VDAC1: variants seen among roughly 807,000 people sequenced by gnomAD.
VDAC1 encodes non-selective voltage-gated ion channel VDAC1.
A neutral mutation model predicts 34.7 loss-of-function variants in VDAC1; 10 were observed. That is an observed-to-expected ratio of 0.29 (90% CI 0.18 to 0.49). The LOEUF (loss-of-function observed/expected upper bound fraction) is 0.49. Among genes scored for constraint, VDAC1 ranks in the 20% least tolerant of loss-of-function variants. The probability of loss-of-function intolerance (pLI) is 0.99; values close to 1 mark genes in which losing one functional copy is unlikely to be tolerated. For missense variants in VDAC1, 230 were observed against 347.9 expected, an observed-to-expected ratio of 0.66 and a Z score of 2.69; for synonymous variants, 130 against 136.0, an observed-to-expected ratio of 0.96 and a Z score of 0.30.
the VDAC1 span, among the ~76,000 whole-genome samples, chr5:134,024,142 CCA>C: frequency 6.6e-6 from 1 of 151,016 alleles, no homozygotes; most frequent in East Asian, 1.9e-4. Context: ...GACTCCATCT[CCA>C]GAGGAAAAAA....
the VDAC1 span, among the ~76,000 whole-genome samples, chr5:134,109,498 G>A: frequency 6.6e-6 from 1 of 152,054 alleles, no homozygotes; most frequent in Non-Finnish European, 1.5e-5. Context: ...GGCCAGGTGC[G>A]GTGGCTCACG....
At chr5:134,025,314 T>G in the VDAC1 span, among the ~76,000 whole-genome samples, 5 of 152,198 alleles carry the variant, frequency 3.3e-5, no homozygotes, top group Admixed American at 3.3e-4. Context: ...GATCTCATGA[T>G]AACTCTTTAC....
chr5:134,005,740 C>A (rs1243537438), upstream of VDAC1, among the ~76,000 whole-genome samples: 1 of 152,188 alleles, frequency 6.6e-6, no homozygotes, highest in Non-Finnish European at 1.5e-5. Context: ...CGAGTGGTCT[C>A]GTTCACCACT....
chr5:134,098,169 C>CTTA, the VDAC1 span, among the ~76,000 whole-genome samples: 1,890 of 146,876 alleles, frequency 0.013, 38 homozygotes, highest in African/African-American at 0.04. Context: ...CCATGCCCTG[C>CTTA]TTATTATTAT....
At chr5:133,987,820 G>C (rs906753812) in intron 5 of VDAC1, among the ~76,000 whole-genome samples, 29 of 152,178 alleles carry the variant, frequency 1.9e-4, no homozygotes, top group African/African-American at 6.5e-4. Context: ...GAAGAGAGTT[G>C]GCAGACACCA....
the VDAC1 span, among the ~76,000 whole-genome samples, chr5:134,016,295 A>G: frequency 1.3e-5 from 2 of 152,234 alleles, no homozygotes; most frequent in African/African-American, 2.4e-5. Context: ...GTGCCTGTGC[A>G]CATGGCTGTG....
At chr5:134,074,525 A>G in the VDAC1 span, among the ~76,000 whole-genome samples, 15 of 151,484 alleles carry the variant, frequency 9.9e-5, no homozygotes, top group Non-Finnish European at 2.2e-4. Context: ...AAGAGGGAAG[A>G]GGGGCTCACA....
chr5:134,081,186 C>T, the VDAC1 span, among the ~76,000 whole-genome samples: 16 of 152,086 alleles, frequency 1.1e-4, no homozygotes, highest in South Asian at 4.1e-4. Flanking sequence ...TACAGGCATG[C>T]GCCACCAAAC....
chr5:133,997,995 A>C (rs537424757), intron 1 of VDAC1, among the ~76,000 whole-genome samples: 1 of 150,062 alleles, frequency 6.7e-6, no homozygotes, highest in East Asian at 2.0e-4. Flanking sequence ...TCAACCTGGG[A>C]GGTGGAGGTT....
At chr5:134,067,675 G>A in the VDAC1 span, among the ~76,000 whole-genome samples, 3 of 147,534 alleles carry the variant, frequency 2.0e-5, no homozygotes, top group African/African-American at 7.5e-5. Flanking sequence ...GGGAGGGCGA[G>A]GGAGGAGAGG....
At chr5:133,981,493 T>C (rs556717293) in intron 5 of VDAC1, among the ~76,000 whole-genome samples, 1 of 152,340 alleles carries the variant, frequency 6.6e-6, no homozygotes, top group African/African-American at 2.4e-5. Context: ...TCCATATTCA[T>C]GAGACCCCAA....
At chr5:134,053,330 A>C in the VDAC1 span, among the ~76,000 whole-genome samples, 1 of 152,286 alleles carries the variant, frequency 6.6e-6, no homozygotes, top group African/African-American at 2.4e-5. Flanking sequence ...TCCTTCTGAA[A>C]AGCCCTCCAT....
chr5:134,017,765 T>C, the VDAC1 span, among the ~76,000 whole-genome samples: 4 of 151,806 alleles, frequency 2.6e-5, no homozygotes, highest in African/African-American at 9.7e-5. Flanking sequence ...TACAAAAAAT[T>C]AGCCGGGCTT....
the VDAC1 span, among the ~76,000 whole-genome samples, chr5:134,021,565 A>G: frequency 1.3e-5 from 2 of 151,816 alleles, no homozygotes; most frequent in Non-Finnish European, 1.5e-5. Context: ...CTTAAAAAAA[A>G]AAAAAAGAAA....
At chr5:134,063,978 G>A in the VDAC1 span, among the ~76,000 whole-genome samples, 1 of 148,176 alleles carries the variant, frequency 6.7e-6, no homozygotes, top group Non-Finnish European at 1.5e-5. Context: ...GACTACAGGC[G>A]CATACCACCT....
chr5:134,003,822 A>G (rs935945868), intron 1 of VDAC1, among the ~76,000 whole-genome samples: 2 of 152,208 alleles, frequency 1.3e-5, no homozygotes, highest in Admixed American at 6.5e-5. Context: ...AGGTATGGGG[A>G]CTTCCCAGCT....
At chr5:134,107,783 T>C in the VDAC1 span, among the ~76,000 whole-genome samples, 2 of 152,204 alleles carry the variant, frequency 1.3e-5, no homozygotes, top group African/African-American at 4.8e-5. Flanking sequence ...TTGGGCTAAG[T>C]ACTCTACAAG....
At chr5:134,089,212 T>G in the VDAC1 span, among the ~76,000 whole-genome samples, 6 of 152,184 alleles carry the variant, frequency 3.9e-5, no homozygotes, top group Admixed American at 3.3e-4. Context: ...AAGCTTTGCA[T>G]AGGGGCACAC....
the VDAC1 span, among the ~76,000 whole-genome samples, chr5:134,056,111 TGCACCTGTAATCCCAGCTACTCGGGAG>T: frequency 2.0e-5 from 3 of 151,850 alleles, no homozygotes; most frequent in African/African-American, 7.2e-5. Flanking sequence ...CGTGGTGGCA[TGCACCTGTAATCCCAGCTACTCGGGAG>T]GCTGAGGCAG....
Sources: allele counts gnomAD v4.1 joint callset (sites outside exome capture counted in the v4.1 genomes callset), GRCh38; gene constraint gnomAD v4.1.1; transcripts MANE v1.5; gene names NCBI Gene and HGNC (gene_info 2026-07-23, HGNC 2026-07-21).